SETD7: variants seen among roughly 807,000 people sequenced by gnomAD.
SETD7 encodes histone-lysine N-methyltransferase SETD7.
A neutral mutation model predicts 41.8 loss-of-function variants in SETD7; 16 were observed. That is an observed-to-expected ratio of 0.38 (90% confidence interval 0.26 to 0.58). The LOEUF (loss-of-function observed/expected upper bound fraction) is 0.58. Among genes scored for constraint, SETD7 ranks in the 20% least tolerant of loss-of-function variants. SETD7 has a pLI of 0.64. For missense variants in SETD7, 346 were observed against 459.7 expected, an observed-to-expected ratio of 0.75 and a Z score of 2.26; for synonymous variants, 163 against 169.7, an observed-to-expected ratio of 0.96 and a Z score of 0.31.
intron 1 of SETD7, among the ~76,000 whole-genome samples, chr4:139,554,909 T>C (rs886445894): frequency 6.6e-6 from 1 of 152,204 alleles, no homozygotes; most frequent in African/African-American, 2.4e-5. Context: ...CGCCACTTTT[T>C]TTCTTTATCC....
chr4:139,520,451 C>T, intron 5 of SETD7, 57 bp from the exon 6 acceptor site: 1 of 953,550 alleles, frequency 1.0e-6, no homozygotes, highest in South Asian at 1.6e-5. Context: ...TCATTCCTTA[C>T]ATCAACTGCC....
At chr4:139,552,147 C>T (rs1338942658) in intron 1 of SETD7, among the ~76,000 whole-genome samples, 3 of 151,862 alleles carry the variant, frequency 2.0e-5, no homozygotes, top group Non-Finnish European at 2.9e-5. Flanking sequence ...TAATGTGTGG[C>T]CCACACAGAA....
Position 139,522,662 on chromosome 4 carries a change from G to C in SETD7, c.644+692C>G, listed in dbSNP as rs186802366. ...AGAGCATGAAATGTTCCCCTAGAGGGCCAGCATGTGACTGCAGCACAGACC... is the reference window on the plus strand; with the variant it reads ...AGAGCATGAAATGTTCCCCTAGAGGCCCAGCATGTGACTGCAGCACAGACC... On this transcript the variant is annotated intron_variant, in intron 5 of 7. Transcript: ENST00000274031. Among the ~76,000 whole-genome samples, 434 of 151,598 alleles carry C rather than the reference G, an allele frequency of 2.9e-3. 2 individuals are homozygous for C. Among genetic ancestry groups the C allele is most frequent in the African/African-American group, 0.01 (423 of 41,232 alleles).
intron 2 of SETD7, among the ~76,000 whole-genome samples, chr4:139,540,933 T>C (rs1727762272): frequency 6.6e-6 from 1 of 152,198 alleles, no homozygotes; most frequent in Admixed American, 6.5e-5. Context: ...TGCATAGACT[T>C]GACACCTGGA....
chr4:139,556,158 A>C lies in SETD7; in HGVS notation c.-21T>G, dbSNP rs1323519184. On this transcript the variant is annotated 5_prime_UTR_variant, in exon 1 of 8. Coordinates refer to ENST00000274031, the MANE Select transcript of SETD7 (RefSeq NM_030648.4). Reference sequence around the variant, plus strand: ...TCCATGGCGGCTGGGGACACTGCCCAGCTCGGGGCTGCGCGGCTGCCTCCC... The same window carrying C: ...TCCATGGCGGCTGGGGACACTGCCCCGCTCGGGGCTGCGCGGCTGCCTCCC... The C allele has an allele frequency of 3.8e-6, 6 of 1,590,338 alleles. No individual in the cohort carries two copies. The highest frequency in any genetic ancestry group is 3.4e-6 in the Non-Finnish European group (4 of 1,169,298).
chr4:139,507,335 G>T lies in SETD7; in HGVS notation c.*4328C>A, dbSNP rs1726731872. The stretch of plus-strand genomic sequence containing the variant: ...TCCATTAGCACCTAACTTCCACCAG[G>T]AAGCGGCTGAGGCACTGGGGAAGCC... On this transcript the variant is annotated 3_prime_UTR_variant, in exon 8 of 8. Transcript: ENST00000274031. 6.6e-6 allele frequency: 1 copy of T among 152,532 alleles called. No homozygotes were observed. Among genetic ancestry groups the T allele is most frequent in the Non-Finnish European group, 1.5e-5 (1 of 68,042 alleles). 9.4% of individuals were successfully genotyped at this position (152,532 alleles called of 1,614,324 possible).
intron 4 of SETD7, among the ~76,000 whole-genome samples, chr4:139,526,393 C>T (rs1292045016): frequency 6.6e-6 from 1 of 151,756 alleles, no homozygotes; most frequent in East Asian, 1.9e-4. Context: ...CCTCAGTCTC[C>T]CAAGTAGCTG....
rs1726729502 is a variant in SETD7 at position 139,507,277 on chromosome 4, C to T, written c.*4386G>A. 6.6e-6 allele frequency: 1 copy of T among 152,660 alleles called. No individual in the cohort carries two copies. Among genetic ancestry groups the T allele is most frequent in the African/African-American group, 2.4e-5 (1 of 41,454 alleles). The allele number at this position is 152,660 out of a possible 1,614,324, so 9.5% of individuals were successfully genotyped here. The stretch of plus-strand genomic sequence containing the variant: ...GATTCACTCTCAGGCCCCTCAAAGG[C>T]CTGCAGTGATATCACTAAAAGGTGA... On this transcript the variant is annotated 3_prime_UTR_variant, in exon 8 of 8. Coordinates refer to ENST00000274031, the MANE Select transcript of SETD7 (RefSeq NM_030648.4).
intron 3 of SETD7, among the ~76,000 whole-genome samples, chr4:139,530,207 T>A (rs1727444197): frequency 6.6e-6 from 1 of 152,102 alleles, no homozygotes; most frequent in South Asian, 2.1e-4. Flanking sequence ...ACTTTGAAAA[T>A]TTAAGACCTT....
chr4:139,516,290 AC>A (rs11297541), intron 7 of SETD7, among the ~76,000 whole-genome samples: 148,558 of 151,886 alleles, frequency 0.98, 72,735 homozygotes, highest in Middle Eastern at 1. Flanking sequence ...ACATGGTGAA[AC>A]CCCCATCTCT....
downstream of SETD7, among the ~76,000 whole-genome samples, chr4:139,501,710 T>G (rs1429848236): frequency 6.6e-6 from 1 of 152,190 alleles, no homozygotes; most frequent in African/African-American, 2.4e-5. Flanking sequence ...CAGGAAGATA[T>G]GCCTAGTGAT....
At chr4:139,522,240 A>G (rs923647892) in intron 5 of SETD7, among the ~76,000 whole-genome samples, 1 of 152,204 alleles carries the variant, frequency 6.6e-6, no homozygotes, top group Non-Finnish European at 1.5e-5. Flanking sequence ...TCAGATGGGA[A>G]CAGAAACTGA....
chr4:139,556,171 G>A lies in SETD7; in HGVS notation c.-34C>T, dbSNP rs777220254. On this transcript the variant is annotated 5_prime_UTR_variant, in exon 1 of 8. Transcript: ENST00000274031. ...GGGACACTGCCCAGCTCGGGGCTGC[G>A]CGGCTGCCTCCCGTCCCTCTGGGTG... The A allele has an allele frequency of 4.4e-6, 7 of 1,582,322 alleles. No homozygotes were observed. In the South Asian group the frequency reaches 6.9e-5, roughly 16 times the overall value.
intron 4 of SETD7, among the ~76,000 whole-genome samples, chr4:139,523,999 C>T (rs541922516): frequency 6.6e-6 from 1 of 152,168 alleles, no homozygotes; most frequent in African/African-American, 2.4e-5. Flanking sequence ...CACACAACCA[C>T]CCTAGAAGGA....
chr4:139,526,663 T>C (rs1040389506), intron 4 of SETD7, among the ~76,000 whole-genome samples: 1 of 152,176 alleles, frequency 6.6e-6, no homozygotes, highest in Non-Finnish European at 1.5e-5. Context: ...AATATCCACA[T>C]TTGGTAATGA....
At chr4:139,534,346 A>T (rs550130955) in intron 2 of SETD7, among the ~76,000 whole-genome samples, 1 of 152,224 alleles carries the variant, frequency 6.6e-6, no homozygotes, top group African/African-American at 2.4e-5. Context: ...AGACAGCTTG[A>T]TTATTTTAAC....
At chr4:139,551,803 G>A (rs537791685) in intron 1 of SETD7, among the ~76,000 whole-genome samples, 29 of 152,202 alleles carry the variant, frequency 1.9e-4, no homozygotes, top group Admixed American at 1.9e-3. Flanking sequence ...GATCTCTTGA[G>A]CCCAGGAGAC....
rs17050804 is a variant in SETD7, at chr4:139,531,564, G to T, written c.372+1601C>A. Among the ~76,000 whole-genome samples, 295 of 152,306 alleles carry T rather than the reference G, an allele frequency of 1.9e-3. 2 individuals carry two copies. The highest frequency in any genetic ancestry group is 7.0e-3 in the African/African-American group (289 of 41,574). ...CTGCTTCTCTTCTCCTAAGCAGTACGTGTTACAACTTTTGATCTATCACGG... is the reference window on the plus strand; with the variant it reads ...CTGCTTCTCTTCTCCTAAGCAGTACTTGTTACAACTTTTGATCTATCACGG... On this transcript the variant is annotated intron_variant, in intron 3 of 7. Transcript: ENST00000274031.
downstream of SETD7, among the ~76,000 whole-genome samples, chr4:139,503,824 A>G (rs1266048259): frequency 6.6e-6 from 1 of 152,190 alleles, no homozygotes; most frequent in Non-Finnish European, 1.5e-5. Context: ...GGTTCAGGCC[A>G]CACAGCCATA....
Sources: allele counts gnomAD v4.1 joint callset (sites outside exome capture counted in the v4.1 genomes callset), GRCh38; gene constraint gnomAD v4.1.1; transcripts MANE v1.5; gene names NCBI Gene and HGNC (gene_info 2026-07-23, HGNC 2026-07-21).